The following FRYL variants were observed in gnomAD, a reference collection of about 807,000 sequenced individuals.
FRYL encodes the protein protein furry homolog-like.
In FRYL, 150 loss-of-function variants were observed where a neutral mutation model predicts 351.2. That is an observed-to-expected ratio of 0.43 (90% CI 0.37 to 0.49). The LOEUF (loss-of-function observed/expected upper bound fraction) is 0.49. Among genes scored for constraint, FRYL ranks in the 20% least tolerant of loss-of-function variants. The pLI, the probability that FRYL is intolerant of heterozygous loss-of-function variation, is 0.00. For synonymous variants in FRYL, 1,153 were observed against 1,257.1 expected (o/e 0.92, Z 1.75); for missense variants, 3,036 against 3,619.3 (o/e 0.84, Z 4.13).
intron 19 of FRYL, among the ~76,000 whole-genome samples, chr4:48,583,650 C>A (rs1399432065): frequency 6.6e-5 from 10 of 151,672 alleles, no homozygotes; most frequent in Non-Finnish European, 8.8e-5. Context: ...CACTTATAAT[C>A]CCAGTACTTT....
At chr4:48,723,914 C>T (rs1769772604) in intron 1 of FRYL, among the ~76,000 whole-genome samples, 1 of 146,100 alleles carries the variant, frequency 6.8e-6, no homozygotes, top group African/African-American at 2.6e-5. Flanking sequence ...AGTAAGACCC[C>T]AACTCTACAA....
chr4:48,561,422 G>C, intron 33 of FRYL, 46 bp downstream of exon 33: 1 of 1,259,766 alleles, frequency 7.9e-7, no homozygotes. Flanking sequence ...TGTTTCTGAA[G>C]AAATGATTGA....
chr4:48,778,942 G>A (rs956555254), intron 1 of FRYL, among the ~76,000 whole-genome samples: 1 of 151,924 alleles, frequency 6.6e-6, no homozygotes, highest in African/African-American at 2.4e-5. Flanking sequence ...GCAGTTCAAA[G>A]GTAAGGGCAA....
chr4:48,700,612 G>C (rs1212104173), intron 2 of FRYL, among the ~76,000 whole-genome samples: 1 of 150,700 alleles, frequency 6.6e-6, no homozygotes, highest in Non-Finnish European at 1.5e-5. Flanking sequence ...GACCAGCCTG[G>C]GCAACATAGT....
intron 15 of FRYL, 75 bp from the exon 16 acceptor site, chr4:48,594,091 C>T (rs1744095530): frequency 2.5e-6 from 2 of 789,118 alleles, no homozygotes; most frequent in Non-Finnish European, 1.9e-6. Context: ...ATATAATATA[C>T]AATGACAACA....
rs770517212 is a variant in FRYL, at chr4:48,515,049, G to GCTT, written c.7913_7915dup (p.Glu2638dup). 36 of 1,613,256 alleles carry GCTT rather than the reference G, an allele frequency of 2.2e-5. No individual in the cohort carries two copies. Among genetic ancestry groups the GCTT allele is most frequent in the African/African-American group, 6.7e-5 (5 of 74,848 alleles). ...TCACCTAGACAGTCCGGAGAAATCC[G>GCTT]CTTCTTCTTCTTCACATCTTTCATC... On this transcript the variant is annotated inframe_insertion, in exon 56 of 64. Transcript: ENST00000358350.
At chr4:48,709,470 T>C (rs1767772230) in intron 2 of FRYL, among the ~76,000 whole-genome samples, 1 of 152,124 alleles carries the variant, frequency 6.6e-6, no homozygotes, top group African/African-American at 2.4e-5. Context: ...AGACACCAAC[T>C]TCAAAACAGA....
intron 4 of FRYL, among the ~76,000 whole-genome samples, chr4:48,626,954 T>TA (rs1194007145): frequency 1.7e-4 from 26 of 152,264 alleles, no homozygotes; most frequent in African/African-American, 6.3e-4. Context: ...GGAACGTCTT[T>TA]AGTACTCGGG....
chr4:48,575,015 C>A, intron 25 of FRYL, 102 bp downstream of exon 25: 1 of 1,037,880 alleles, frequency 9.6e-7, no homozygotes, highest in South Asian at 1.7e-5. Flanking sequence ...TGCGGTCAAG[C>A]ACTCTGCTTG....
chr4:48,499,994 T>C (rs1258565651), intron 63 of FRYL, 36 bp downstream of exon 63: 6 of 1,391,870 alleles, frequency 4.3e-6, no homozygotes, highest in Non-Finnish European at 5.9e-6. Context: ...CCTGTCTAAT[T>C]TAAAGGCATC....
chr4:48,747,048 A>C (rs1772758319), intron 1 of FRYL, among the ~76,000 whole-genome samples: 1 of 152,212 alleles, frequency 6.6e-6, no homozygotes, highest in Admixed American at 6.5e-5. Context: ...GGACAGGCCA[A>C]TTCCTGGAAA....
intron 1 of FRYL, among the ~76,000 whole-genome samples, chr4:48,713,429 T>C (rs1453255525): frequency 6.6e-6 from 1 of 151,994 alleles, no homozygotes; most frequent in African/African-American, 2.4e-5. Context: ...GAGGAAGATC[T>C]ACCAAGCAAA....
intron 32 of FRYL, among the ~76,000 whole-genome samples, chr4:48,562,416 A>G (rs1331054873): frequency 6.6e-6 from 1 of 152,230 alleles, no homozygotes; most frequent in Non-Finnish European, 1.5e-5. Context: ...ATCTTGCCCT[A>G]TTATGAATTA....
At chr4:48,571,569 A>C (rs544887801) in intron 26 of FRYL, 7 of 764,566 alleles carry the variant, frequency 9.2e-6, no homozygotes, top group Non-Finnish European at 1.1e-5. Context: ...TGTAATTTTC[A>C]TATTACAGAG....
Position 48,540,319 on chromosome 4 carries a change from A to G in FRYL, c.6295+34T>C, listed in dbSNP as rs191906044. 178 of 1,581,160 alleles carry G rather than the reference A, an allele frequency of 1.1e-4. No individual in the cohort carries two copies. The African/African-American group carries it at 2.2e-3, about 20-fold the overall frequency. On this transcript the variant is annotated intron_variant, in intron 46 of 63. Coordinates refer to ENST00000358350, the MANE Select transcript of FRYL (RefSeq NM_015030.2). ...ATTAGTTTACATTTTACTGCATAAA[A>G]TGCAAAGTGCTGGTGCAATTATATT... is the stretch of plus-strand genomic sequence containing the variant.
Position 48,642,260 on chromosome 4 carries a change from T to C in FRYL, c.-80-7770A>G, listed in dbSNP as rs561993239. ...TCACTCATACTTTCAAGCTTATGCA[T>C]GCCTTCACAAACTTACTTGAAAAAA... is the stretch of plus-strand genomic sequence containing the variant. On this transcript the variant is annotated intron_variant, in intron 3 of 63. Transcript: ENST00000358350. 2.0e-5 allele frequency among the ~76,000 whole-genome samples: 3 copies of C among 152,296 alleles called. No homozygotes were observed. In the East Asian group the frequency reaches 5.8e-4, roughly 29 times the overall value.
intron 3 of FRYL, among the ~76,000 whole-genome samples, chr4:48,678,404 G>C (rs1378368897): frequency 1.3e-5 from 2 of 151,206 alleles, no homozygotes; most frequent in African/African-American, 2.4e-5. Flanking sequence ...GCTACTCAGG[G>C]GGACTGAGGC....
rs1727556816 is a variant in FRYL at position 48,531,308 on chromosome 4, A to T, written c.6751T>A (p.Ser2251Thr). 3.1e-6 allele frequency: 5 copies of T among 1,613,678 alleles called. No homozygotes were observed. Among genetic ancestry groups the T allele is most frequent in the Non-Finnish European group, 4.2e-6 (5 of 1,179,748 alleles). ...EALNILKLVV[S>T]RSASLVVPSD... ...GGTACGACAAGACTCGCAGAGCGTG[A>T]CACCACCAGCTTTAATATGTTAAGG... is the stretch of plus-strand genomic sequence containing the variant. The change falls in exon 50 of 64, where the codon TCA becomes ACA. Residue 2251 changes from serine to threonine, a missense_variant. By Grantham distance (58) the Ser-to-Thr change is moderately conservative (BLOSUM62 1). Transcript: ENST00000358350.
intron 2 of FRYL, among the ~76,000 whole-genome samples, chr4:48,704,896 C>G (rs570421329): frequency 4.4e-4 from 66 of 151,594 alleles, no homozygotes; most frequent in Admixed American, 3.3e-3. Flanking sequence ...TTGCAGTAAG[C>G]CGAGATTGAG....
Sources: allele counts gnomAD v4.1 joint callset (sites outside exome capture counted in the v4.1 genomes callset), GRCh38; gene constraint gnomAD v4.1.1; transcripts MANE v1.5; gene names NCBI Gene and HGNC (gene_info 2026-07-23, HGNC 2026-07-21).